Variants in KCNU1 observed in about 807,000 individuals in gnomAD.
KCNU1 encodes potassium channel subfamily U member 1.
A neutral mutation model predicts 126.8 loss-of-function variants in KCNU1; 93 were observed. The ratio of observed to expected loss-of-function variants is 0.73; its 90% CI spans 0.62 to 0.87. The LOEUF is 0.87. KCNU1 is among the 40% of genes least tolerant of loss of function. The pLI, the probability that KCNU1 is intolerant of heterozygous loss-of-function variation, is 0.00. For missense variants in KCNU1, 1,330 were observed against 1,367.1 expected, an observed-to-expected ratio of 0.97 and a Z score of 0.43; for synonymous variants, 523 against 494.2, an observed-to-expected ratio of 1.06 and a Z score of -0.77.
chr8:36,912,602 T>TTGTGTG (rs138894397), intron 22 of KCNU1, among the ~76,000 whole-genome samples: 3 of 148,838 alleles, frequency 2.0e-5, no homozygotes, highest in Non-Finnish European at 3.0e-5. Context: ...CACTCATCAT[T>TTGTGTG]TGTGTGTGTG....
At chr8:36,907,819 C>T (rs1807690980) in intron 20 of KCNU1, among the ~76,000 whole-genome samples, 1 of 152,176 alleles carries the variant, frequency 6.6e-6, no homozygotes, top group Non-Finnish European at 1.5e-5. Flanking sequence ...AATGCTCATG[C>T]TGCAAATTAA....
chr8:36,917,133 A>G (rs1808142958), intron 22 of KCNU1, among the ~76,000 whole-genome samples: 1 of 152,142 alleles, frequency 6.6e-6, no homozygotes, highest in South Asian at 2.1e-4. Context: ...TACCCCACTC[A>G]GGGAGCAAAG....
rs867736265 is a variant in KCNU1 at position 36,932,938 on chromosome 8, C to G, written c.2950C>G (p.Gln984Glu). Residue 984 changes from glutamine (Q) to glutamate (E), a missense_variant, in exon 26 of 27, where the codon CAA becomes GAA. Transcript: ENST00000399881. ...SDVNPRNTFG[Q>E]LFCGSLDLFG... is the part of the protein sequence containing the mutation. ...TCCCCAGCCAAGAAACACCTTTGGA[C>G]AACTGTTCTGTGGCTCATTAGATCT... is the stretch of plus-strand genomic sequence containing the variant. 3 of 1,570,160 alleles carry G rather than the reference C, an allele frequency of 1.9e-6. No individual in the cohort carries two copies. The Middle Eastern group carries it at 5.0e-4, about 262-fold the overall frequency.
chr8:36,832,110 A>G (rs1174388641), intron 10 of KCNU1, among the ~76,000 whole-genome samples: 4 of 152,270 alleles, frequency 2.6e-5, no homozygotes, highest in Middle Eastern at 6.8e-3. Context: ...GTTCTGTTCC[A>G]TTGATCTATA....
chr8:36,819,667 G>A (rs560632287), intron 10 of KCNU1, among the ~76,000 whole-genome samples: 2 of 152,132 alleles, frequency 1.3e-5, no homozygotes, highest in Non-Finnish European at 1.5e-5. Flanking sequence ...TTCCCACTCA[G>A]AGAGACAGTC....
At chr8:36,906,489 T>G (rs1212525600) in intron 20 of KCNU1, among the ~76,000 whole-genome samples, 1 of 152,150 alleles carries the variant, frequency 6.6e-6, no homozygotes, top group Non-Finnish European at 1.5e-5. Context: ...ACTGTAATTT[T>G]CTGGAGTTGG....
rs972302339 is a variant in KCNU1, at chr8:36,909,347, C to T, written c.2143C>T (p.His715Tyr). 5 of 1,613,454 alleles carry T rather than the reference C, an allele frequency of 3.1e-6. No homozygotes were observed. The African/African-American group carries it at 4.0e-5, about 13-fold the overall frequency. Reference sequence around the variant, plus strand: ...CAAGTCAAAGTATAAGTTTCGGAACCATATTGTAGCATGTGTATTTGGAGA... The same window carrying T: ...CAAGTCAAAGTATAAGTTTCGGAACTATATTGTAGCATGTGTATTTGGAGA... ...TGKSKYKFRN[H>Y]IVACVFGDAH... The change falls in exon 21 of 27, where the codon CAT (histidine) becomes TAT (tyrosine). Residue 715 changes from histidine to tyrosine, a missense_variant. By Grantham distance (83) the His-to-Tyr change is moderately conservative (BLOSUM62 2). This residue lies in a region of KCNU1 where 1,054 missense variants were observed against 1,053.9 expected (regional missense o/e 1.00). Coordinates refer to ENST00000399881, the MANE Select transcript of KCNU1 (RefSeq NM_001031836.3).
intron 23 of KCNU1, among the ~76,000 whole-genome samples, chr8:36,921,647 C>T (rs189157469): frequency 1.1e-3 from 124 of 112,402 alleles, no homozygotes; most frequent in African/African-American, 4.0e-3. Flanking sequence ...GCAGCCTGGG[C>T]GATGAAGTGA....
At chr8:36,802,653 C>T (rs964436311) in intron 2 of KCNU1, among the ~76,000 whole-genome samples, 1 of 152,184 alleles carries the variant, frequency 6.6e-6, no homozygotes, top group African/African-American at 2.4e-5. Context: ...CAGGCTTCAC[C>T]GAAATCAAGG....
At chr8:36,854,311 C>T (rs1406623900) in intron 18 of KCNU1, among the ~76,000 whole-genome samples, 1 of 152,070 alleles carries the variant, frequency 6.6e-6, no homozygotes, top group Non-Finnish European at 1.5e-5. Flanking sequence ...ATTCACTCTA[C>T]TCCTTTCTTT....
intron 16 of KCNU1, 26 bp downstream of exon 16, chr8:36,841,029 CAGT>C: frequency 2.4e-6 from 2 of 836,416 alleles, no homozygotes; most frequent in Non-Finnish European, 1.9e-6. Context: ...CTCATCTCTT[CAGT>C]TGTTTTTTTT....
Position 36,935,685 on chromosome 8 carries a change from C to T in KCNU1, c.3215C>T (p.Thr1072Ile). 1 of 1,613,338 alleles carries T rather than the reference C, an allele frequency of 6.2e-7. No individual in the cohort carries two copies. Among genetic ancestry groups the T allele is most frequent in the Non-Finnish European group, 8.5e-7 (1 of 1,179,492 alleles). Residue 1072 changes from threonine (T) to isoleucine (I), a missense_variant, in exon 27 of 27, where the codon ACA becomes ATA. By Grantham distance (89) the Thr-to-Ile change is moderately conservative. Transcript: ENST00000399881. ...CAGACAACAGAGACACATTCAGACA[C>T]AAATTGTCCTCCCACCATTGATTCA... ...ASQTTETHSD[T>I]NCPPTIDSVT...
chr8:36,803,213 C>G (rs1029987406), intron 2 of KCNU1, among the ~76,000 whole-genome samples: 2 of 152,058 alleles, frequency 1.3e-5, no homozygotes, highest in Admixed American at 6.5e-5. Flanking sequence ...ATATACGTAG[C>G]CCACTCAAGG....
At chr8:36,807,333 C>T (rs1369643307) in intron 5 of KCNU1, 42 bp from the exon 6 acceptor site, 3 of 1,380,682 alleles carry the variant, frequency 2.2e-6, no homozygotes, top group Non-Finnish European at 3.1e-6. Flanking sequence ...TCTGGAGTGA[C>T]CCTCTGATTT....
intron 18 of KCNU1, among the ~76,000 whole-genome samples, chr8:36,852,242 C>T (rs1162304751): frequency 1.3e-5 from 2 of 151,974 alleles, no homozygotes; most frequent in African/African-American, 4.8e-5. Context: ...AGAATAGAAT[C>T]TTTTTTATAC....
chr8:36,871,771 C>T (rs557488615), intron 19 of KCNU1, among the ~76,000 whole-genome samples: 42 of 152,136 alleles, frequency 2.8e-4, no homozygotes, highest in Non-Finnish European at 4.1e-4. Context: ...CAGATCATTG[C>T]GATAAAAATT....
At position 36,909,548 on chromosome 8, in the gene KCNU1, T is replaced by C. The variant is rs1200072413; in HGVS notation, c.2331+13T>C. The C allele has an allele frequency of 2.9e-6, 4 of 1,400,292 alleles. No homozygotes were observed. Among genetic ancestry groups the C allele is most frequent in the South Asian group, 2.3e-5 (2 of 85,392 alleles). The allele number at this position is 1,400,292 out of a possible 1,614,324, so 86.7% of individuals were successfully genotyped here. A position where few individuals can be genotyped will look rare whatever the true frequency, so the allele number is the denominator to read the frequency against. On this transcript the variant is annotated intron_variant, in intron 21 of 26. Coordinates refer to ENST00000399881, the MANE Select transcript of KCNU1 (RefSeq NM_001031836.3). Reference sequence around the variant, plus strand: ...ATACATTCTGCCTGTAAGTATCATATAAGGAAAAGTTAATATTTATAAGGA... The same window carrying C: ...ATACATTCTGCCTGTAAGTATCATACAAGGAAAAGTTAATATTTATAAGGA...
Position 36,803,954 on chromosome 8 carries a change from A to C in KCNU1, c.316-73A>C, listed in dbSNP as rs1322139737. On this transcript the variant is annotated intron_variant, in intron 2 of 26. Coordinates refer to ENST00000399881, the MANE Select transcript of KCNU1 (RefSeq NM_001031836.3). ...CGTACACAGGCATGGTAAAAAGAGAAAACACACTTTTGTCGATTTATTTAA... is the reference window on the plus strand; with the variant it reads ...CGTACACAGGCATGGTAAAAAGAGACAACACACTTTTGTCGATTTATTTAA... 36 of 1,009,124 alleles carry C rather than the reference A, an allele frequency of 3.6e-5. No individual in the cohort carries two copies. In the Admixed American group the frequency reaches 7.2e-4, roughly 20 times the overall value. 62.5% of individuals were successfully genotyped at this position (1,009,124 alleles called of 1,614,324 possible). A position where few individuals can be genotyped will look rare whatever the true frequency, so the allele number is the denominator to read the frequency against.
chr8:36,795,048 T>G (rs1339480683), intron 2 of KCNU1, among the ~76,000 whole-genome samples: 1 of 152,198 alleles, frequency 6.6e-6, no homozygotes, highest in Non-Finnish European at 1.5e-5. Context: ...AAATCCACGT[T>G]TCCTCTTTGC....
Sources: gnomAD v4.1 joint callset for allele counts (sites outside exome capture counted in the v4.1 genomes callset) on GRCh38, gnomAD v4.1.1 for gene constraint, gnomAD v4.1.1 regional missense constraint, MANE v1.5 for transcripts, NCBI Gene and HGNC (gene_info 2026-07-23, HGNC 2026-07-21) for gene names.